Variants in ADGRL3 observed in about 807,000 individuals in gnomAD.
The protein encoded by ADGRL3 is calcium-independent alpha-latrotoxin receptor 3.
A neutral mutation model predicts 153.5 loss-of-function variants in ADGRL3; 62 were observed. The observed-to-expected ratio is 0.40, with a 90% CI of 0.33 to 0.50. The LOEUF (loss-of-function observed/expected upper bound fraction) is 0.50. ADGRL3 is among the 20% of genes least tolerant of loss of function. The pLI, the probability that ADGRL3 is intolerant of heterozygous loss-of-function variation, is 0.47. For missense variants in ADGRL3, 1,641 were observed against 1,859.4 expected (o/e 0.88, Z 2.16); for synonymous variants, 710 against 672.5 (o/e 1.06, Z -0.86).
At chr4:61,459,240 T>A (rs1677464088) in intron 2 of ADGRL3, among the ~76,000 whole-genome samples, 1 of 151,884 alleles carries the variant, frequency 6.6e-6, no homozygotes, top group Non-Finnish European at 1.5e-5. Flanking sequence ...GGTGTTTGGT[T>A]TATAAATATT....
chr4:62,003,866 G>C (rs868025191), intron 21 of ADGRL3, among the ~76,000 whole-genome samples: 2 of 152,058 alleles, frequency 1.3e-5, no homozygotes, highest in African/African-American at 4.8e-5. Flanking sequence ...AGCTAGTTCT[G>C]TTCTTAGTTC....
At chr4:61,229,904 AT>A (rs912940481) in intron 1 of ADGRL3, among the ~76,000 whole-genome samples, 37 of 143,768 alleles carry the variant, frequency 2.6e-4, no homozygotes, top group African/African-American at 9.3e-4. Flanking sequence ...CTGTTCTTAA[AT>A]ATATATATAT....
Position 61,497,564 on chromosome 4 carries a change from C to G in ADGRL3, c.55+216C>G, listed in dbSNP as rs139708646. ...AGAGCCTCGCACTGTCACCCAGGCT[C>G]GAGTGCGGTGGCACGATCTCGGCTT... On this transcript the variant is annotated intron_variant, in intron 3 of 26. Coordinates refer to ENST00000683033, the MANE Select transcript of ADGRL3 (RefSeq NM_001387552.1). Among the ~76,000 whole-genome samples the G allele has an allele frequency of 2.0e-3, 291 of 144,880 alleles. 1 individual carries two copies. Among genetic ancestry groups the G allele is most frequent in the African/African-American group, 7.1e-3 (277 of 39,098 alleles).
At chr4:61,218,970 T>C (rs568908246) in intron 1 of ADGRL3, among the ~76,000 whole-genome samples, 126 of 152,300 alleles carry the variant, frequency 8.3e-4, no homozygotes, top group Middle Eastern at 3.4e-3. Context: ...AAAAATATTA[T>C]ATTGGCTGCT....
At chr4:62,066,476 A>T (rs959075185) in intron 25 of ADGRL3, among the ~76,000 whole-genome samples, 10 of 152,210 alleles carry the variant, frequency 6.6e-5, no homozygotes, top group African/African-American at 2.4e-4. Context: ...TACTTTTATT[A>T]CACTGAATTT....
Position 61,497,336 on chromosome 4 carries a change from C to G in ADGRL3, c.43C>G (p.Pro15Ala). Reference sequence around the variant, plus strand: ...ACTAATTTTCATGATGCTCTTAGCTCCAATAATTCATGGTAAGATTTTTCA... The same window carrying G: ...ACTAATTTTCATGATGCTCTTAGCTGCAATAATTCATGGTAAGATTTTTCA... Reference protein sequence around the residue: ...QLLIFMMLLAPIIHGGKHSER... With the variant: ...QLLIFMMLLAAIIHGGKHSER... The change falls in exon 3 of 27, where the codon CCA (proline) becomes GCA (alanine). Residue 15 changes from proline to alanine, a missense_variant. This residue lies in a region of ADGRL3 where 145 missense variants were observed against 79.1 expected (regional missense o/e 1.83). Transcript: ENST00000683033. 1 of 1,605,834 alleles carries G rather than the reference C, an allele frequency of 6.2e-7. No homozygotes were observed. The highest frequency in any genetic ancestry group is 8.5e-7 in the Non-Finnish European group (1 of 1,176,810).
chr4:61,467,112 G>A (rs1237635267), intron 2 of ADGRL3, among the ~76,000 whole-genome samples: 1 of 152,000 alleles, frequency 6.6e-6, no homozygotes, highest in Non-Finnish European at 1.5e-5. Flanking sequence ...GCAAGCTGAA[G>A]GAGTTCAGAA....
intron 5 of ADGRL3, among the ~76,000 whole-genome samples, chr4:61,614,672 T>C (rs1267711443): frequency 6.6e-6 from 1 of 152,176 alleles, no homozygotes; most frequent in African/African-American, 2.4e-5. Flanking sequence ...TTTTTCAGTG[T>C]CTTCTTAAAA....
chr4:61,747,262 T>C (rs12644908), intron 8 of ADGRL3, among the ~76,000 whole-genome samples: 80,922 of 143,684 alleles, frequency 0.56, 24,941 homozygotes, highest in African/African-American at 0.81. Context: ...GATTCACAGC[T>C]GAATTCTACC....
chr4:61,566,623 C>A (rs1202363370), intron 4 of ADGRL3, among the ~76,000 whole-genome samples: 1 of 151,896 alleles, frequency 6.6e-6, no homozygotes, highest in East Asian at 1.9e-4. Context: ...TTGGCATAAA[C>A]TGAATACTTT....
chr4:61,700,081 G>A (rs1340116128), intron 6 of ADGRL3, among the ~76,000 whole-genome samples: 1 of 152,000 alleles, frequency 6.6e-6, no homozygotes, highest in Non-Finnish European at 1.5e-5. Flanking sequence ...AAGGAGGGAC[G>A]AAGAGGTTGT....
intron 2 of ADGRL3, among the ~76,000 whole-genome samples, chr4:61,454,277 T>G (rs965808141): frequency 6.6e-6 from 1 of 152,048 alleles, no homozygotes; most frequent in Non-Finnish European, 1.5e-5. Flanking sequence ...CAATCTGTGC[T>G]ACCTGAAAAA....
chr4:61,752,163 C>T (rs1036949396), intron 8 of ADGRL3, among the ~76,000 whole-genome samples: 1 of 152,164 alleles, frequency 6.6e-6, no homozygotes, highest in Non-Finnish European at 1.5e-5. Flanking sequence ...CTTATAGATT[C>T]TCAGCTTGGG....
chr4:61,240,384 C>T (rs1235803101), intron 1 of ADGRL3, among the ~76,000 whole-genome samples: 1 of 152,076 alleles, frequency 6.6e-6, no homozygotes, highest in Non-Finnish European at 1.5e-5. Flanking sequence ...CAAATACATA[C>T]AACCCATACC....
chr4:61,600,405 T>A (rs1267257607), intron 5 of ADGRL3, among the ~76,000 whole-genome samples: 1 of 151,266 alleles, frequency 6.6e-6, no homozygotes, highest in Non-Finnish European at 1.5e-5. Flanking sequence ...GCTCCAAAAT[T>A]ATGTTAGGTT....
chr4:61,316,401 C>A (rs562460189), intron 1 of ADGRL3, among the ~76,000 whole-genome samples: 10 of 152,228 alleles, frequency 6.6e-5, no homozygotes, highest in African/African-American at 2.2e-4. Flanking sequence ...GACGTCAGAG[C>A]AAGAAATTTG....
chr4:61,761,377 G>T (rs1021494727), intron 8 of ADGRL3, among the ~76,000 whole-genome samples: 5 of 152,200 alleles, frequency 3.3e-5, no homozygotes, highest in Non-Finnish European at 4.4e-5. Context: ...GGACAGTTTG[G>T]AGGTTAGAAG....
chr4:61,243,782 T>C (rs1004404761), intron 1 of ADGRL3, among the ~76,000 whole-genome samples: 1 of 152,008 alleles, frequency 6.6e-6, no homozygotes, highest in African/African-American at 2.4e-5. Flanking sequence ...AAAAAGATAT[T>C]GTGTTTGATT....
intron 5 of ADGRL3, among the ~76,000 whole-genome samples, chr4:61,628,663 C>T (rs2092974989): frequency 6.6e-6 from 1 of 152,116 alleles, no homozygotes; most frequent in Non-Finnish European, 1.5e-5. Flanking sequence ...TTCTTTTCTC[C>T]TGCAGAAAAG....
Sources: gnomAD v4.1 joint callset for allele counts (sites outside exome capture counted in the v4.1 genomes callset) on GRCh38, gnomAD v4.1.1 for gene constraint, gnomAD v4.1.1 regional missense constraint, MANE v1.5 for transcripts, NCBI Gene and HGNC (gene_info 2026-07-23, HGNC 2026-07-21) for gene names.